Variants in PLXNA4 observed in about 807,000 individuals in gnomAD.
The protein encoded by PLXNA4 is plexin A4.
A neutral mutation model predicts 191.8 loss-of-function variants in PLXNA4; 44 were observed. The ratio of observed to expected loss-of-function variants is 0.23; its 90% CI spans 0.18 to 0.29. The LOEUF (loss-of-function observed/expected upper bound fraction) is 0.29, where lower values mean the gene tolerates loss of function less well. Among genes scored for constraint, PLXNA4 ranks in the 10% least tolerant of loss-of-function variants. The probability of loss-of-function intolerance (pLI) is 1.00; values close to 1 mark genes in which losing one functional copy is unlikely to be tolerated. For missense variants in PLXNA4, 1,800 were observed against 2,488.8 expected (o/e 0.72, Z 5.89); for synonymous variants, 1,082 against 1,009.5 (o/e 1.07, Z -1.36).
chr7:132,536,875 T>C (rs1358245481), intron 1 of PLXNA4, among the ~76,000 whole-genome samples: 1 of 152,234 alleles, frequency 6.6e-6, no homozygotes, highest in Non-Finnish European at 1.5e-5. Context: ...AAAGTATTTC[T>C]GAAGAAAAGC....
intron 3 of PLXNA4, among the ~76,000 whole-genome samples, chr7:132,330,606 C>T (rs1321441795): frequency 1.3e-5 from 2 of 152,324 alleles, no homozygotes; most frequent in South Asian, 2.1e-4. Context: ...GCCCAGGCCC[C>T]AACTGTGTCT....
intron 3 of PLXNA4, among the ~76,000 whole-genome samples, chr7:132,303,835 C>G (rs1022947101): frequency 6.6e-6 from 1 of 152,112 alleles, no homozygotes; most frequent in Non-Finnish European, 1.5e-5. Flanking sequence ...ACAAATAATG[C>G]CAGGTGGCAA....
chr7:132,575,514 G>T (rs1443092138), intron 1 of PLXNA4, among the ~76,000 whole-genome samples: 1 of 152,160 alleles, frequency 6.6e-6, no homozygotes, highest in Non-Finnish European at 1.5e-5. Flanking sequence ...ACCACGAAAG[G>T]CATGTGACAG....
At chr7:132,250,161 G>A (rs1799196596) in intron 4 of PLXNA4, among the ~76,000 whole-genome samples, 1 of 152,070 alleles carries the variant, frequency 6.6e-6, no homozygotes, top group South Asian at 2.1e-4. Context: ...TACCCTGATG[G>A]GTTGTTTTGA....
intron 4 of PLXNA4, among the ~76,000 whole-genome samples, chr7:132,285,488 C>T (rs915840696): frequency 6.6e-6 from 1 of 152,188 alleles, no homozygotes; most frequent in Non-Finnish European, 1.5e-5. Context: ...CCATCGCATA[C>T]GTCTCTGAGT....
At chr7:132,352,790 G>A (rs531626649) in intron 3 of PLXNA4, among the ~76,000 whole-genome samples, 1 of 152,268 alleles carries the variant, frequency 6.6e-6, no homozygotes, top group South Asian at 2.1e-4. Context: ...CTAAAGTGGT[G>A]AGTAGGAGGC....
intron 3 of PLXNA4, among the ~76,000 whole-genome samples, chr7:132,378,689 AATG>A (rs1804762061): frequency 6.6e-6 from 1 of 152,118 alleles, no homozygotes; most frequent in Non-Finnish European, 1.5e-5. Context: ...AGAGAATGAG[AATG>A]ATAATGATTA....
At chr7:132,634,607 T>C (rs1803559326) in intron 2 of PLXNA4, among the ~76,000 whole-genome samples, 1 of 152,206 alleles carries the variant, frequency 6.6e-6, no homozygotes, top group South Asian at 2.1e-4. Context: ...CCTGGGCCTT[T>C]GCACATGCTG....
At chr7:132,421,162 A>AG (rs1794837219) in intron 3 of PLXNA4, among the ~76,000 whole-genome samples, 1 of 152,190 alleles carries the variant, frequency 6.6e-6, no homozygotes, top group African/African-American at 2.4e-5. Flanking sequence ...TGACTACTCC[A>AG]GGTACTTTAT....
intron 16 of PLXNA4, among the ~76,000 whole-genome samples, chr7:132,183,330 T>C (rs1400777587): frequency 6.6e-6 from 1 of 152,208 alleles, no homozygotes; most frequent in East Asian, 1.9e-4. Context: ...CCCTGTCCTC[T>C]CAATCACCAA....
At chr7:132,158,722 T>C (rs1795863927) in intron 25 of PLXNA4, among the ~76,000 whole-genome samples, 1 of 151,860 alleles carries the variant, frequency 6.6e-6, no homozygotes, top group Non-Finnish European at 1.5e-5. Flanking sequence ...CAAATCTAGA[T>C]GTGTTTGATG....
chr7:132,156,826 C>G (rs1795814025), intron 25 of PLXNA4, among the ~76,000 whole-genome samples: 1 of 152,210 alleles, frequency 6.6e-6, no homozygotes, highest in African/African-American at 2.4e-5. Flanking sequence ...GCATTTGGGT[C>G]TCTGAGGAGG....
chr7:132,201,581 C>G (rs578095578), intron 12 of PLXNA4, among the ~76,000 whole-genome samples: 1 of 152,184 alleles, frequency 6.6e-6, no homozygotes, highest in South Asian at 2.1e-4. Flanking sequence ...TAATCCTGAC[C>G]AGCATCCGCA....
intron 1 of PLXNA4, among the ~76,000 whole-genome samples, chr7:132,563,069 C>T (rs1476616549): frequency 9.3e-6 from 1 of 107,004 alleles, no homozygotes. Flanking sequence ...TTCTCCTCCT[C>T]CTCCTCCTTC....
chr7:132,269,725 T>C (rs1035844595), intron 4 of PLXNA4, among the ~76,000 whole-genome samples: 3 of 152,206 alleles, frequency 2.0e-5, no homozygotes, highest in African/African-American at 7.2e-5. Flanking sequence ...GGTTTTATTT[T>C]ATTTTTGTCT....
intron 5 of PLXNA4, among the ~76,000 whole-genome samples, chr7:132,232,936 T>A (rs73501738): frequency 0.048 from 7,247 of 152,228 alleles, 587 homozygotes; most frequent in African/African-American, 0.16. Context: ...CTGTTGCTGA[T>A]CCATCTCCCT....
intron 3 of PLXNA4, among the ~76,000 whole-genome samples, chr7:132,359,354 G>T (rs1803841263): frequency 6.6e-6 from 1 of 151,752 alleles, no homozygotes; most frequent in Non-Finnish European, 1.5e-5. Context: ...CTAAGGAGCT[G>T]GAACCACAGG....
At chr7:132,164,955 A>G (rs1186055283) in intron 23 of PLXNA4, among the ~76,000 whole-genome samples, 179 bp downstream of exon 23, 1 of 152,218 alleles carries the variant, frequency 6.6e-6, no homozygotes, top group Non-Finnish European at 1.5e-5. Flanking sequence ...CTTTGGAGCT[A>G]TGATGGACTG....
chr7:132,197,424 C>T (rs1797285343), intron 13 of PLXNA4, among the ~76,000 whole-genome samples: 3 of 152,174 alleles, frequency 2.0e-5, no homozygotes, highest in Admixed American at 2.0e-4. Flanking sequence ...ATATTTTAAT[C>T]ATGTGGCTTT....
Sources: gnomAD v4.1 joint callset for allele counts (sites outside exome capture counted in the v4.1 genomes callset) on GRCh38, gnomAD v4.1.1 for gene constraint, MANE v1.5 for transcripts, NCBI Gene and HGNC (gene_info 2026-07-23, HGNC 2026-07-21) for gene names.